Variants in RYR2 observed in about 807,000 individuals in gnomAD.
The protein encoded by RYR2 is cardiac muscle ryanodine receptor-calcium release channel.
A neutral mutation model predicts 601.1 loss-of-function variants in RYR2; 227 were observed. That is an observed-to-expected ratio of 0.38 (90% confidence interval 0.34 to 0.42). The LOEUF is 0.42. Among genes scored for constraint, RYR2 ranks in the 10% least tolerant of loss-of-function variants. RYR2 has a pLI of 1.00. For missense variants in RYR2, 4,646 were observed against 6,156.5 expected (o/e 0.75, Z 8.21); for synonymous variants, 2,223 against 2,175.1 (o/e 1.02, Z -0.61).
At chr1:237,184,897 G>T (rs181530990) in intron 1 of RYR2, among the ~76,000 whole-genome samples, 2 of 147,472 alleles carry the variant, frequency 1.4e-5, no homozygotes, top group Non-Finnish European at 3.0e-5. Flanking sequence ...TTTGGACAGG[G>T]TCTTGCTCTG....
At chr1:237,494,569 A>G (rs1362525249) in intron 19 of RYR2, among the ~76,000 whole-genome samples, 2 of 152,148 alleles carry the variant, frequency 1.3e-5, no homozygotes, top group Non-Finnish European at 1.5e-5. Flanking sequence ...CCCAGGAACA[A>G]TACTTTGCAT....
chr1:237,289,467 G>C (rs963431991), intron 2 of RYR2, among the ~76,000 whole-genome samples: 7 of 152,206 alleles, frequency 4.6e-5, no homozygotes, highest in Non-Finnish European at 1.0e-4. Context: ...AATCATAGCA[G>C]AAGGGGACGC....
intron 25 of RYR2, among the ~76,000 whole-genome samples, chr1:237,539,622 T>C (rs756420338): frequency 9.2e-5 from 14 of 152,226 alleles, no homozygotes; most frequent in Middle Eastern, 3.4e-3. Flanking sequence ...TTCTCACTTA[T>C]AAGTGGGAGC....
intron 98 of RYR2, among the ~76,000 whole-genome samples, chr1:237,802,679 C>T (rs758146953): frequency 6.6e-6 from 1 of 152,202 alleles, no homozygotes; most frequent in Non-Finnish European, 1.5e-5. Context: ...GGAGCAACTC[C>T]CCTGAATAAC....
chr1:237,090,689 G>A (rs74149709), intron 1 of RYR2, among the ~76,000 whole-genome samples: 1,542 of 152,350 alleles, frequency 0.01, 26 homozygotes, highest in African/African-American at 0.035. Flanking sequence ...TACTTTGGGT[G>A]TCCTTGGTTA....
chr1:237,358,760 G>T (rs969052972), intron 4 of RYR2, among the ~76,000 whole-genome samples: 2 of 151,828 alleles, frequency 1.3e-5, no homozygotes, highest in African/African-American at 4.8e-5. Context: ...CAATCTCCAG[G>T]CATAGTAAGA....
chr1:237,260,538 A>G (rs1462272484), intron 1 of RYR2, among the ~76,000 whole-genome samples: 1 of 152,160 alleles, frequency 6.6e-6, no homozygotes, highest in Non-Finnish European at 1.5e-5. Context: ...TTTACAAAGG[A>G]ATAAAACACT....
intron 10 of RYR2, among the ~76,000 whole-genome samples, chr1:237,400,955 A>C (rs189697054): frequency 1.1e-3 from 163 of 152,314 alleles, no homozygotes; most frequent in Non-Finnish European, 2.0e-3. Context: ...ATCTCCCTAA[A>C]GAAGAGGCGT....
chr1:237,200,480 G>A (rs1681072207), intron 1 of RYR2, among the ~76,000 whole-genome samples: 1 of 152,240 alleles, frequency 6.6e-6, no homozygotes, highest in East Asian at 1.9e-4. Flanking sequence ...TGCCAGGCTG[G>A]TCTTGAACTC....
chr1:237,771,430 C>A (rs1020571705), intron 85 of RYR2, among the ~76,000 whole-genome samples: 4 of 150,108 alleles, frequency 2.7e-5, no homozygotes, highest in Admixed American at 6.6e-5. Flanking sequence ...AAAAAAAAGA[C>A]AGAGGATTTA....
At chr1:237,131,615 T>C (rs1672181183) in intron 1 of RYR2, among the ~76,000 whole-genome samples, 1 of 152,096 alleles carries the variant, frequency 6.6e-6, no homozygotes, top group Non-Finnish European at 1.5e-5. Context: ...TAAAAGTGAA[T>C]CAACTAGAAA....
chr1:237,619,747 G>C (rs1399496575), intron 38 of RYR2, among the ~76,000 whole-genome samples: 4 of 152,100 alleles, frequency 2.6e-5, no homozygotes, highest in African/African-American at 9.7e-5. Flanking sequence ...GAAACAATTT[G>C]AGTGACAGCA....
chr1:237,192,421 G>C (rs1360204387), intron 1 of RYR2, among the ~76,000 whole-genome samples: 1 of 152,068 alleles, frequency 6.6e-6, no homozygotes. Context: ...CACCATGTTG[G>C]CCAGGCTGGT....
At chr1:237,170,340 C>T (rs1467219755) in intron 1 of RYR2, among the ~76,000 whole-genome samples, 1 of 152,154 alleles carries the variant, frequency 6.6e-6, no homozygotes, top group Non-Finnish European at 1.5e-5. Flanking sequence ...GGAAGCTCCA[C>T]ATGTTTGAAG....
At chr1:237,090,306 A>G (rs974687595) in intron 1 of RYR2, among the ~76,000 whole-genome samples, 7 of 152,220 alleles carry the variant, frequency 4.6e-5, no homozygotes, top group Non-Finnish European at 1.0e-4. Flanking sequence ...GTTACTTTAC[A>G]TGGCAAAAGG....
In RYR2 at chr1:237,071,119, C is replaced by T. The variant is rs182652929; in HGVS notation, c.48+28550C>T. Among the ~76,000 whole-genome samples the T allele has an allele frequency of 1.6e-4, 24 of 152,314 alleles. No homozygotes were observed. In the East Asian group the frequency reaches 4.3e-3, roughly 27 times the overall value. ...GGGTGAGTTAGTCGGAGAGGAGCTTCATTGAGTAAAAGAACAACTCTCATG... is the reference window on the plus strand; with the variant it reads ...GGGTGAGTTAGTCGGAGAGGAGCTTTATTGAGTAAAAGAACAACTCTCATG... On this transcript the variant is annotated intron_variant, in intron 1 of 104. Transcript: ENST00000366574.
chr1:237,438,798 G>A (rs560206070), intron 12 of RYR2, among the ~76,000 whole-genome samples: 11 of 152,310 alleles, frequency 7.2e-5, no homozygotes, highest in South Asian at 2.1e-4. Flanking sequence ...TACCAATCAC[G>A]CAAGGTGCTA....
chr1:237,096,196 T>A lies in RYR2; in HGVS notation c.48+53627T>A, dbSNP rs191698131. On this transcript the variant is annotated intron_variant, in intron 1 of 104. Transcript: ENST00000366574. ...ACAGAAGAGGCCTGACGTTAAGCAA[T>A]GCCCTATTTCAAATACTTTCCACTG... Among the ~76,000 whole-genome samples, 10 of 152,286 alleles carry A rather than the reference T, an allele frequency of 6.6e-5. No homozygotes were observed. In the East Asian group the frequency reaches 1.9e-3, roughly 29 times the overall value.
chr1:237,693,512 A>G (rs1435643164), intron 63 of RYR2, among the ~76,000 whole-genome samples: 2 of 152,190 alleles, frequency 1.3e-5, no homozygotes, highest in Non-Finnish European at 1.5e-5. Context: ...AGGTACATCT[A>G]GGAATACCTG....
Sources: gnomAD v4.1 joint callset for allele counts (sites outside exome capture counted in the v4.1 genomes callset) on GRCh38, gnomAD v4.1.1 for gene constraint, MANE v1.5 for transcripts, NCBI Gene and HGNC (gene_info 2026-07-23, HGNC 2026-07-21) for gene names.